Variants in DLG2 observed in about 807,000 individuals in gnomAD.
The protein encoded by DLG2 is disks large homolog 2.
In DLG2, 45 loss-of-function variants were observed where a neutral mutation model predicts 132.5. The ratio of observed to expected loss-of-function variants is 0.34; its 90% CI spans 0.27 to 0.44. The LOEUF (loss-of-function observed/expected upper bound fraction) is 0.44. Among genes scored for constraint, DLG2 ranks in the 20% least tolerant of loss-of-function variants. DLG2 has a pLI of 1.00. For missense variants in DLG2, 1,045 were observed against 1,196.9 expected (o/e 0.87, Z 1.87); for synonymous variants, 424 against 419.6 (o/e 1.01, Z -0.13).
At chr11:83,757,657 G>C (rs571597704) in intron 18 of DLG2, among the ~76,000 whole-genome samples, 1 of 152,266 alleles carries the variant, frequency 6.6e-6, no homozygotes, top group South Asian at 2.1e-4. Context: ...GCCTTCTCTT[G>C]ATCTCAGGGT....
chr11:85,584,709 G>T lies in DLG2; in HGVS notation c.40+13948C>A, dbSNP rs148830579. ...ATGGCCATTCTTGCAGTAGTAAGGT[G>T]GTATCTCATTGTGGTTTTGATTTGC... On this transcript the variant is annotated intron_variant, in intron 3 of 27. Transcript: ENST00000376104. Among the ~76,000 whole-genome samples the T allele has an allele frequency of 4.8e-3, 727 of 152,142 alleles. 3 individuals carry two copies. The highest frequency in any genetic ancestry group is 7.3e-3 in the Non-Finnish European group (497 of 67,996).
At chr11:85,375,306 A>G (rs924668047) in intron 3 of DLG2, among the ~76,000 whole-genome samples, 4 of 152,198 alleles carry the variant, frequency 2.6e-5, no homozygotes, top group African/African-American at 7.2e-5. Context: ...TGAAAGTTCA[A>G]TACACATAGA....
intron 7 of DLG2, among the ~76,000 whole-genome samples, chr11:84,427,720 A>C (rs1043665492): frequency 1.3e-5 from 2 of 151,288 alleles, no homozygotes; most frequent in African/African-American, 4.9e-5. Context: ...TTCCACAGAA[A>C]ATACATTTTT....
At chr11:83,995,563 G>A (rs1213327102) in intron 11 of DLG2, among the ~76,000 whole-genome samples, 1 of 152,116 alleles carries the variant, frequency 6.6e-6, no homozygotes, top group Non-Finnish European at 1.5e-5. Context: ...CACATTCCCT[G>A]ACTTCAAATT....
intron 16 of DLG2, among the ~76,000 whole-genome samples, chr11:83,864,405 C>G (rs1243974995): frequency 2.0e-5 from 3 of 152,184 alleles, no homozygotes; most frequent in Non-Finnish European, 4.4e-5. Context: ...ACTAGACATT[C>G]AGTAAATGCT....
At chr11:85,474,241 C>CA (rs1007171752) in intron 3 of DLG2, among the ~76,000 whole-genome samples, 6 of 151,484 alleles carry the variant, frequency 4.0e-5, no homozygotes, top group Non-Finnish European at 8.9e-5. Context: ...ACTAATTTAC[C>CA]AAAAAAATAG....
chr11:84,204,432 G>A (rs1210520559), intron 8 of DLG2, among the ~76,000 whole-genome samples: 9 of 152,018 alleles, frequency 5.9e-5, no homozygotes, highest in Non-Finnish European at 1.3e-4. Context: ...AATCTTCAGT[G>A]CAACTACTAA....
intron 6 of DLG2, among the ~76,000 whole-genome samples, chr11:84,763,938 G>T (rs777807115): frequency 6.6e-6 from 1 of 152,058 alleles, no homozygotes; most frequent in Non-Finnish European, 1.5e-5. Flanking sequence ...AGCCAGGGGA[G>T]ATTTTTACTT....
At chr11:84,743,882 G>A (rs374678357) in intron 6 of DLG2, among the ~76,000 whole-genome samples, 6 of 151,920 alleles carry the variant, frequency 3.9e-5, no homozygotes, top group South Asian at 2.1e-4. Context: ...CTGCCACTGC[G>A]CCTGGCTAAT....
intron 3 of DLG2, among the ~76,000 whole-genome samples, chr11:85,289,755 G>A (rs551516937): frequency 2.5e-4 from 38 of 152,128 alleles, no homozygotes; most frequent in African/African-American, 9.2e-4. Context: ...TGAACACTTG[G>A]TTCTGCTTAG....
intron 9 of DLG2, among the ~76,000 whole-genome samples, chr11:84,148,124 C>A (rs1032564239): frequency 6.6e-6 from 1 of 151,986 alleles, no homozygotes; most frequent in East Asian, 1.9e-4. Context: ...TTCTTTCCAC[C>A]ATTTTTATTT....
At chr11:83,571,717 C>A (rs903736492) in intron 19 of DLG2, among the ~76,000 whole-genome samples, 1 of 151,918 alleles carries the variant, frequency 6.6e-6, no homozygotes, top group Non-Finnish European at 1.5e-5. Flanking sequence ...CTGTTCATTG[C>A]ATATTCTCTC....
chr11:85,028,355 C>G (rs2154143565), intron 6 of DLG2, among the ~76,000 whole-genome samples: 1 of 152,304 alleles, frequency 6.6e-6, no homozygotes, highest in South Asian at 2.1e-4. Flanking sequence ...GCCACGGACT[C>G]TATGCACAGT....
At chr11:85,014,713 C>T (rs1206874428) in intron 6 of DLG2, among the ~76,000 whole-genome samples, 1 of 152,196 alleles carries the variant, frequency 6.6e-6, no homozygotes, top group Non-Finnish European at 1.5e-5. Flanking sequence ...CCGGACCTAA[C>T]ACACATCAGC....
At chr11:84,608,162 C>T (rs2099589088) in intron 6 of DLG2, among the ~76,000 whole-genome samples, 2 of 152,174 alleles carry the variant, frequency 1.3e-5, no homozygotes, top group South Asian at 4.1e-4. Context: ...TCCTCTCATA[C>T]ACAGAGCACC....
chr11:84,495,669 G>A (rs1285989668), intron 7 of DLG2, among the ~76,000 whole-genome samples: 1 of 152,066 alleles, frequency 6.6e-6, no homozygotes, highest in African/African-American at 2.4e-5. Context: ...TCTCTTCTCT[G>A]TGCTTCCATA....
intron 6 of DLG2, among the ~76,000 whole-genome samples, chr11:84,555,365 T>C (rs1265773191): frequency 6.6e-6 from 1 of 152,174 alleles, no homozygotes; most frequent in Non-Finnish European, 1.5e-5. Context: ...GTAGTACTAT[T>C]CATGATAGCT....
At chr11:85,469,394 T>C (rs1226959192) in intron 3 of DLG2, 1 of 152,216 alleles carries the variant, frequency 6.6e-6, no homozygotes, top group Non-Finnish European at 1.5e-5. Flanking sequence ...GTAGCATATG[T>C]GTAAGTTCAC....
At chr11:85,360,369 C>A (rs574215478) in intron 3 of DLG2, among the ~76,000 whole-genome samples, 3 of 152,156 alleles carry the variant, frequency 2.0e-5, no homozygotes, top group Admixed American at 2.0e-4. Flanking sequence ...GGGCTTAAGT[C>A]ACATAATTGT....
Sources: allele counts gnomAD v4.1 joint callset (sites outside exome capture counted in the v4.1 genomes callset), GRCh38; gene constraint gnomAD v4.1.1; transcripts MANE v1.5; gene names NCBI Gene and HGNC (gene_info 2026-07-23, HGNC 2026-07-21).